XKR6: variants seen among roughly 807,000 people sequenced by gnomAD.
XKR6 encodes XK related 6.
Under a neutral mutation model 56.7 loss-of-function variants are expected in XKR6, and 22 were observed. The ratio of observed to expected loss-of-function variants is 0.39; its 90% confidence interval spans 0.28 to 0.55. XKR6 has a LOEUF of 0.55. Among genes scored for constraint, XKR6 ranks in the 20% least tolerant of loss-of-function variants. The pLI is 0.66. For synonymous variants in XKR6, 524 were observed against 387.8 expected, an observed-to-expected ratio of 1.35 and a Z score of -4.13; for missense variants, 852 against 889.0, an observed-to-expected ratio of 0.96 and a Z score of 0.53.
chr8:11,109,083 G>A (rs1422642570), intron 1 of XKR6: 4 of 152,218 alleles, frequency 2.6e-5, no homozygotes, highest in African/African-American at 9.7e-5. Context: ...CAGTGACCAA[G>A]AAGGTGCAGA....
intron 1 of XKR6, among the ~76,000 whole-genome samples, chr8:11,170,404 A>G (rs776895600): frequency 6.6e-6 from 1 of 152,244 alleles, no homozygotes; most frequent in Non-Finnish European, 1.5e-5. Flanking sequence ...AGGCTATACC[A>G]TGGATGAACC....
intron 1 of XKR6, among the ~76,000 whole-genome samples, chr8:11,097,485 A>T (rs10092373): frequency 0.23 from 20,102 of 85,828 alleles, 2,625 homozygotes; most frequent in African/African-American, 0.42. Flanking sequence ...TTTTTTTTTA[A>T]AAAAAAAAAG....
At chr8:10,980,687 T>C (rs1312434777) in intron 1 of XKR6, among the ~76,000 whole-genome samples, 1 of 152,226 alleles carries the variant, frequency 6.6e-6, no homozygotes, top group Admixed American at 6.5e-5. Flanking sequence ...TATCTCTCTA[T>C]CTATTGACCT....
chr8:11,195,158 A>G (rs1257503589), intron 1 of XKR6: 8 of 703,168 alleles, frequency 1.1e-5, no homozygotes, highest in Admixed American at 2.0e-5. Flanking sequence ...AAACCAGGTG[A>G]GGCAACTTCA....
At chr8:11,039,148 C>T (rs1799220923) in intron 1 of XKR6, among the ~76,000 whole-genome samples, 2 of 152,146 alleles carry the variant, frequency 1.3e-5, no homozygotes, top group African/African-American at 4.8e-5. Flanking sequence ...AGAAGGGAAG[C>T]ACACGCCGCC....
intron 1 of XKR6, among the ~76,000 whole-genome samples, chr8:11,069,277 C>G (rs985055141): frequency 6.6e-6 from 1 of 152,128 alleles, no homozygotes; most frequent in African/African-American, 2.4e-5. Flanking sequence ...GGGACCGACT[C>G]TGGCCTTCTG....
chr8:11,156,473 G>C (rs1005814498), intron 1 of XKR6, among the ~76,000 whole-genome samples: 7 of 152,152 alleles, frequency 4.6e-5, no homozygotes, highest in Non-Finnish European at 7.3e-5. Context: ...GAAATCATAA[G>C]AGTTTCAAAG....
intron 1 of XKR6, among the ~76,000 whole-genome samples, chr8:11,119,789 A>C (rs940695250): frequency 6.6e-6 from 1 of 152,206 alleles, no homozygotes; most frequent in Non-Finnish European, 1.5e-5. Flanking sequence ...AATCCTCAAT[A>C]AAATACTGGC....
chr8:11,118,432 T>A (rs1292248792), intron 1 of XKR6, among the ~76,000 whole-genome samples: 1 of 152,232 alleles, frequency 6.6e-6, no homozygotes, highest in Non-Finnish European at 1.5e-5. Flanking sequence ...TGAAACCCTC[T>A]GGTCCTGGAC....
At chr8:11,135,061 C>T (rs1322926698) in intron 1 of XKR6, among the ~76,000 whole-genome samples, 10 of 145,728 alleles carry the variant, frequency 6.9e-5, no homozygotes, top group Non-Finnish European at 1.2e-4. Flanking sequence ...GAGGCGGAGT[C>T]TCCCTCTGTC....
chr8:11,083,780 C>T (rs1229823993), intron 1 of XKR6, among the ~76,000 whole-genome samples: 1 of 152,176 alleles, frequency 6.6e-6, no homozygotes, highest in African/African-American at 2.4e-5. Flanking sequence ...GTCAAAAGCA[C>T]ACCACCATAT....
chr8:11,065,775 C>T (rs567366629), intron 1 of XKR6, among the ~76,000 whole-genome samples: 4 of 152,304 alleles, frequency 2.6e-5, no homozygotes, highest in South Asian at 2.1e-4. Context: ...GAATATCCTC[C>T]GCTGAGCCCA....
intron 1 of XKR6, among the ~76,000 whole-genome samples, chr8:11,180,412 G>C (rs545204968): frequency 6.6e-6 from 1 of 152,162 alleles, no homozygotes; most frequent in Non-Finnish European, 1.5e-5. Flanking sequence ...AGTAAGTTTA[G>C]TATCACCCTT....
chr8:10,991,504 A>T (rs1242466055), intron 1 of XKR6, among the ~76,000 whole-genome samples: 1 of 152,170 alleles, frequency 6.6e-6, no homozygotes, highest in Non-Finnish European at 1.5e-5. Context: ...TTAAGGCCGG[A>T]ACACGATGAG....
chr8:11,114,872 T>C (rs1182064930), intron 1 of XKR6, among the ~76,000 whole-genome samples: 1 of 152,022 alleles, frequency 6.6e-6, no homozygotes, highest in Non-Finnish European at 1.5e-5. Flanking sequence ...TTGGTTCCAA[T>C]AGCAGTACTC....
chr8:11,194,808 T>C (rs561129344), intron 1 of XKR6: 78 of 332,270 alleles, frequency 2.3e-4, no homozygotes, highest in African/African-American at 1.6e-3. Context: ...TTGTGACTTC[T>C]AGTAAGCACC....
chr8:10,995,869 C>T (rs1454015614), intron 1 of XKR6, among the ~76,000 whole-genome samples: 4 of 152,180 alleles, frequency 2.6e-5, no homozygotes, highest in Non-Finnish European at 4.4e-5. Context: ...TTGGTGAAGA[C>T]CATCATGGTG....
intron 1 of XKR6, among the ~76,000 whole-genome samples, chr8:10,948,426 G>A (rs1175862377): frequency 2.0e-5 from 3 of 152,130 alleles, no homozygotes; most frequent in Admixed American, 6.5e-5. Context: ...ATGTTCTGCT[G>A]CCCCCTGCCC....
chr8:10,919,482 T>C (rs1018134047), intron 2 of XKR6, among the ~76,000 whole-genome samples: 9 of 152,210 alleles, frequency 5.9e-5, no homozygotes, highest in African/African-American at 1.9e-4. Context: ...CCTCCACACA[T>C]AGCATGGCTC....
Sources: gnomAD v4.1 joint callset for allele counts (sites outside exome capture counted in the v4.1 genomes callset) on GRCh38, gnomAD v4.1.1 for gene constraint, MANE v1.5 for transcripts, NCBI Gene and HGNC (gene_info 2026-07-23, HGNC 2026-07-21) for gene names.